The following SLC17A1 variants were observed in gnomAD, a reference collection of about 807,000 sequenced individuals.
SLC17A1 encodes the protein sodium-dependent phosphate transport protein 1.
A neutral mutation model predicts 53.5 loss-of-function variants in SLC17A1; 51 were observed. The observed-to-expected ratio is 0.95, with a 90% confidence interval of 0.76 to 1.20. The LOEUF (loss-of-function observed/expected upper bound fraction) is 1.20, where lower values mean the gene tolerates loss of function less well. SLC17A1 is among the 50% of genes most tolerant of loss of function. The probability of loss-of-function intolerance (pLI) is 0.00; values close to 1 mark genes in which losing one functional copy is unlikely to be tolerated. For missense variants in SLC17A1, 538 were observed against 568.2 expected (o/e 0.95, Z 0.54); for synonymous variants, 179 against 198.8 (o/e 0.90, Z 0.84).
At chr6:25,816,911 G>A (rs942496296) in intron 6 of SLC17A1, among the ~76,000 whole-genome samples, 1 of 146,332 alleles carries the variant, frequency 6.8e-6, no homozygotes, top group Non-Finnish European at 1.5e-5. Flanking sequence ...GCAATGGCAC[G>A]ATCTTGGCTC....
At chr6:25,767,144 G>T in the SLC17A1 span, among the ~76,000 whole-genome samples, 192 of 152,140 alleles carry the variant, frequency 1.3e-3, 1 homozygote, top group African/African-American at 4.4e-3. Context: ...AAACATTTCA[G>T]ATCACAGATT....
At chr6:25,828,297 C>T (rs985087348) in intron 2 of SLC17A1, among the ~76,000 whole-genome samples, 22 of 152,140 alleles carry the variant, frequency 1.4e-4, no homozygotes, top group African/African-American at 5.3e-4. Context: ...GCTGTATCCT[C>T]TGTGCTCATT....
At chr6:25,734,094 G>A in the SLC17A1 span, among the ~76,000 whole-genome samples, 1 of 152,034 alleles carries the variant, frequency 6.6e-6, no homozygotes, top group Admixed American at 6.6e-5. Context: ...GGGATTACAA[G>A]GGTGAGCCAC....
Position 25,808,506 on chromosome 6 carries a change from A to AT in SLC17A1, c.1178+2891dup, listed in dbSNP as rs369286202. ...TCCAAAAGCTATTGAAAAAAGAAGA[A>AT]TTTTTTTTAAAAAAATTCAGAGTTA... On this transcript the variant is annotated intron_variant, in intron 10 of 12. Transcript: ENST00000244527. Among the ~76,000 whole-genome samples the AT allele has an allele frequency of 5.9e-3, 901 of 151,968 alleles. 9 individuals are homozygous for AT. Among genetic ancestry groups the AT allele is most frequent in the African/African-American group, 0.02 (850 of 41,476 alleles).
chr6:25,814,239 C>T (rs1192562060), intron 6 of SLC17A1, among the ~76,000 whole-genome samples: 2 of 152,146 alleles, frequency 1.3e-5, no homozygotes, highest in East Asian at 3.8e-4. Context: ...TGATTAAGTG[C>T]TGATTATTTA....
At chr6:25,792,432 A>G (rs533829681) in intron 12 of SLC17A1, among the ~76,000 whole-genome samples, 4 of 152,296 alleles carry the variant, frequency 2.6e-5, no homozygotes, top group Admixed American at 2.6e-4. Flanking sequence ...GTTCCAGACC[A>G]GTCTACAAGT....
chr6:25,814,990 AACACACACACACACAC>A (rs56723023), intron 6 of SLC17A1, among the ~76,000 whole-genome samples: 1 of 51,594 alleles, frequency 1.9e-5, no homozygotes, highest in East Asian at 1.2e-3. Context: ...CTGTCACACA[AACACACACACACACAC>A]ACACACACAC....
chr6:25,827,242 G>A (rs1187691397), intron 2 of SLC17A1, among the ~76,000 whole-genome samples: 2 of 151,956 alleles, frequency 1.3e-5, no homozygotes, highest in Admixed American at 6.6e-5. Flanking sequence ...TCAACAAATG[G>A]CATTTTTTTC....
At chr6:25,770,210 T>C in the SLC17A1 span, 1 of 1,614,116 alleles carries the variant, frequency 6.2e-7, no homozygotes, top group Non-Finnish European at 8.5e-7. Context: ...GCTTGTTTAT[T>C]TCCTCATTCC....
At chr6:25,809,518 C>T (rs1764077111) in intron 10 of SLC17A1, among the ~76,000 whole-genome samples, 1 of 151,802 alleles carries the variant, frequency 6.6e-6, no homozygotes, top group Non-Finnish European at 1.5e-5. Context: ...GAAACAATCC[C>T]ATATATAATA....
chr6:25,811,946 T>C (rs546027811), intron 8 of SLC17A1, among the ~76,000 whole-genome samples, 176 bp from the exon 9 acceptor site: 1 of 152,050 alleles, frequency 6.6e-6, no homozygotes, highest in Non-Finnish European at 1.5e-5. Flanking sequence ...AAGAGAAAAA[T>C]AGCTTTGAGG....
the SLC17A1 span, chr6:25,768,209 C>T: frequency 4.9e-6 from 1 of 203,598 alleles, no homozygotes; most frequent in African/African-American, 2.4e-5. Context: ...TAGAACTTAG[C>T]AAGAGCATTA....
the SLC17A1 span, among the ~76,000 whole-genome samples, chr6:25,728,684 C>T: frequency 6.6e-6 from 1 of 151,996 alleles, no homozygotes; most frequent in Admixed American, 6.6e-5. Context: ...CGTGGTGGCA[C>T]GTTCCTGTAA....
At chr6:25,776,782 G>A in the SLC17A1 span, 1 of 1,613,962 alleles carries the variant, frequency 6.2e-7, no homozygotes, top group Middle Eastern at 1.7e-4. Context: ...GCAGCCTTCA[G>A]TTTACTCTGT....
In SLC17A1 at chr6:25,782,985, C is replaced by T. The variant is rs1763298831; in HGVS notation, c.*236G>A. 1.3e-5 allele frequency: 2 copies of T among 152,168 alleles called. No individual in the cohort carries two copies. Among genetic ancestry groups the T allele is most frequent in the South Asian group, 4.1e-4 (2 of 4,832 alleles). The allele number at this position is 152,168 out of a possible 1,614,324, so 9.4% of individuals were successfully genotyped here. A position where few individuals can be genotyped will look rare whatever the true frequency, so the allele number is the denominator to read the frequency against. On this transcript the variant is annotated 3_prime_UTR_variant, in exon 13 of 13. Coordinates refer to ENST00000244527, the MANE Select transcript of SLC17A1 (RefSeq NM_005074.5). The stretch of plus-strand genomic sequence containing the variant: ...AAAGCAACTGATGCAGAGAGGAAGA[C>T]TGAGATAAATCACCACCCCCATTTA...
At chr6:25,734,903 GA>G in the SLC17A1 span, among the ~76,000 whole-genome samples, 38 of 152,284 alleles carry the variant, frequency 2.5e-4, no homozygotes, top group African/African-American at 9.1e-4. Context: ...CTAGTAGAAG[GA>G]AAATAAAATC....
chr6:25,761,834 T>C, the SLC17A1 span: 1 of 683,566 alleles, frequency 1.5e-6, no homozygotes, highest in Non-Finnish European at 2.4e-6. Context: ...ACTTTTCTTA[T>C]ACAGCAACAT....
the SLC17A1 span, among the ~76,000 whole-genome samples, chr6:25,747,168 A>T: frequency 4.5e-4 from 69 of 152,326 alleles, no homozygotes; most frequent in Non-Finnish European, 8.5e-4. Flanking sequence ...AGAGTAATCA[A>T]CCCAGTGCAT....
the SLC17A1 span, among the ~76,000 whole-genome samples, chr6:25,758,323 A>G: frequency 6.6e-6 from 1 of 152,210 alleles, no homozygotes; most frequent in Non-Finnish European, 1.5e-5. Context: ...AACTGTCTCT[A>G]AAAACATTCT....
Sources: allele counts gnomAD v4.1 joint callset (sites outside exome capture counted in the v4.1 genomes callset), GRCh38; gene constraint gnomAD v4.1.1; transcripts MANE v1.5; gene names NCBI Gene and HGNC (gene_info 2026-07-23, HGNC 2026-07-21).